The following CCNB1IP1 variants were observed in gnomAD, a reference collection of about 807,000 sequenced individuals.
CCNB1IP1 encodes the protein cyclin B1 interacting protein 1.
Under a neutral mutation model 25.6 loss-of-function variants are expected in CCNB1IP1, and 14 were observed. That is an observed-to-expected ratio of 0.55 (90% confidence interval 0.36 to 0.85). CCNB1IP1 has a LOEUF of 0.85. Among genes scored for constraint, CCNB1IP1 ranks in the 40% least tolerant of loss-of-function variants. CCNB1IP1 has a pLI of 0.01. For synonymous variants in CCNB1IP1, 119 were observed against 116.1 expected, an observed-to-expected ratio of 1.02 and a Z score of -0.16; for missense variants, 278 against 342.4, an observed-to-expected ratio of 0.81 and a Z score of 1.48.
In CCNB1IP1 at chr14:20,311,443, G is replaced by T; in HGVS notation, c.*107C>A. 2.3e-6 allele frequency: 2 copies of T among 888,478 alleles called. No homozygotes were observed. The highest frequency in any genetic ancestry group is 2.4e-5 in the East Asian group (1 of 41,334). 55.0% of individuals were successfully genotyped at this position (888,478 alleles called of 1,614,324 possible). ...TCTGTTGCCCAGGCTGGAGTGCAGT[G>T]GCATGATCTTAGATCACTAAAGCCT... On this transcript the variant is annotated 3_prime_UTR_variant, in exon 7 of 7. Transcript: ENST00000358932.
At position 20,311,652 on chromosome 14, in the gene CCNB1IP1, T is replaced by G. The variant is rs1472903138; in HGVS notation, c.732A>C (p.Thr244=). The change falls in exon 7 of 7, where the codon ACA becomes ACC. Residue 244 remains threonine (T), a synonymous_variant. Coordinates refer to ENST00000358932, the MANE Select transcript of CCNB1IP1 (RefSeq NM_021178.5). ...QFRPFFAGSP[T]APEPSNSFFS... is the part of the protein sequence containing the mutation. ...AAAAGCTGTTGCTGGGTTCAGGTGC[T>G]GTGGGAGAACCCGCAAAAAATGGTC... is the stretch of plus-strand genomic sequence containing the variant. The G allele has an allele frequency of 1.9e-6, 3 of 1,614,028 alleles. No homozygotes were observed. The highest frequency in any genetic ancestry group is 1.3e-5 in the African/African-American group (1 of 74,926).
chr14:20,313,912 T>G, intron 5 of CCNB1IP1, 111 bp from the exon 6 acceptor site: 7 of 782,652 alleles, frequency 8.9e-6, no homozygotes, highest in Non-Finnish European at 1.3e-5. Flanking sequence ...GGATGTTATT[T>G]TATCATTTAG....
chr14:20,320,498 A>G (rs1216500281), intron 4 of CCNB1IP1: 13 of 336,744 alleles, frequency 3.9e-5, no homozygotes, highest in Middle Eastern at 4.1e-4. Flanking sequence ...GGCTATAAAA[A>G]AACAAGGCAA....
rs1478921463 is a variant in CCNB1IP1, at chr14:20,311,533, G to GT, written c.*16dup. 1.8e-5 allele frequency: 29 copies of GT among 1,607,534 alleles called. No homozygotes were observed. The highest frequency in any genetic ancestry group is 2.4e-5 in the Non-Finnish European group (28 of 1,175,816). On this transcript the variant is annotated 3_prime_UTR_variant, in exon 7 of 7. Coordinates refer to ENST00000358932, the MANE Select transcript of CCNB1IP1 (RefSeq NM_021178.5). Reference sequence around the variant, plus strand: ...CCTAAGTAGCTGGGATCACAGGTGCGTGACACTATGCGTGGCTCAAATTCT... The same window carrying GT: ...CCTAAGTAGCTGGGATCACAGGTGCGTTGACACTATGCGTGGCTCAAATTCT...
rs557079142 is a variant in CCNB1IP1 at position 20,328,190 on chromosome 14, A to G, written c.-231+984T>C. 1.2e-4 allele frequency among the ~76,000 whole-genome samples: 19 copies of G among 152,306 alleles called. No homozygotes were observed. In the South Asian group the frequency reaches 2.1e-3, roughly 17 times the overall value. ...AAATTGAGGCTCAGAAAAATTACATAAATTTCCTAAGGTCACCTAACTAGT... is the reference window on the plus strand; with the variant it reads ...AAATTGAGGCTCAGAAAAATTACATGAATTTCCTAAGGTCACCTAACTAGT... On this transcript the variant is annotated intron_variant, in intron 2 of 6. Transcript: ENST00000358932.
At chr14:20,327,003 G>T (rs999580773) in intron 2 of CCNB1IP1, among the ~76,000 whole-genome samples, 1 of 151,988 alleles carries the variant, frequency 6.6e-6, no homozygotes, top group African/African-American at 2.4e-5. Flanking sequence ...GCAGGATCAG[G>T]AGTTCAAGGT....
intron 4 of CCNB1IP1, among the ~76,000 whole-genome samples, chr14:20,325,148 G>A (rs61995538): frequency 0.045 from 6,858 of 151,234 alleles, 221 homozygotes; most frequent in Middle Eastern, 0.1. Flanking sequence ...TTAGCCGGGC[G>A]CGGTGGCTCA....
At position 20,313,514 on chromosome 14, in the gene CCNB1IP1, A is replaced by C. The variant is rs1478972634; in HGVS notation, c.585T>G (p.Leu195=). 6 of 1,613,424 alleles carry C rather than the reference A, an allele frequency of 3.7e-6. No individual in the cohort carries two copies. In the East Asian group the frequency reaches 1.3e-4, roughly 36 times the overall value. Residue 195 remains leucine (L), a synonymous_variant, in exon 6 of 7, where the codon CTT becomes CTG. Coordinates refer to ENST00000358932, the MANE Select transcript of CCNB1IP1 (RefSeq NM_021178.5). ...CAGACTGTGCAATCATGGATGGTTC[A>C]AGGGTGCCTTCATGGTTAGCAATAG... The part of the protein sequence containing the change: ...NITIANHEGT[L]EPSMIAQSGV...
At chr14:20,317,017 G>C (rs1347086201) in intron 4 of CCNB1IP1, among the ~76,000 whole-genome samples, 1 of 152,200 alleles carries the variant, frequency 6.6e-6, no homozygotes, top group Non-Finnish European at 1.5e-5. Context: ...GCTGAGGCAG[G>C]AGAATCACTT....
Position 20,326,737 on chromosome 14 carries a change from G to T in CCNB1IP1, c.-174C>A. 3.4e-6 allele frequency: 1 copy of T among 293,868 alleles called. No individual in the cohort carries two copies. The allele number at this position is 293,868 out of a possible 1,614,324, so 18.2% of individuals were successfully genotyped here. The stretch of plus-strand genomic sequence containing the variant: ...TTACCTCTGGCATCACATGAATCCA[G>T]CTTCTATCTAGAAATCCAGTTGAAC... On this transcript the variant is annotated 5_prime_UTR_variant, in exon 3 of 7. The change creates a new upstream start codon in the 5' untranslated region. Coordinates refer to ENST00000358932, the MANE Select transcript of CCNB1IP1 (RefSeq NM_021178.5).
At position 20,313,548 on chromosome 14, in the gene CCNB1IP1, C is replaced by T. The variant is rs143558939; in HGVS notation, c.551G>A (p.Arg184Gln). ...TTCATGGTTAGCAATAGTGATGTTT[C>T]GTAGCCTAAGGCTATCATAGAGGCC... is the stretch of plus-strand genomic sequence containing the variant. ...LQGLYDSLRLRNITIANHEGT... is the reference protein window; with the variant it reads ...LQGLYDSLRLQNITIANHEGT... Residue 184 changes from arginine (R) to glutamine (Q), a missense_variant, in exon 6 of 7, where the codon CGA becomes CAA. Physicochemically the swap from Arg to Gln is conservative, Grantham distance 43 (BLOSUM62 1). Coordinates refer to ENST00000358932, the MANE Select transcript of CCNB1IP1 (RefSeq NM_021178.5). 6.8e-6 allele frequency: 11 copies of T among 1,614,050 alleles called. No homozygotes were observed. The highest frequency in any genetic ancestry group is 4.0e-5 in the African/African-American group (3 of 74,930).
At chr14:20,316,100 AATTT>A in intron 5 of CCNB1IP1, 123 bp downstream of exon 5, 1 of 839,822 alleles carries the variant, frequency 1.2e-6, no homozygotes, top group Non-Finnish European at 1.8e-6. Context: ...TTTTGAAAAC[AATTT>A]AATAAAAAGA....
chr14:20,311,538 A>G lies in CCNB1IP1; in HGVS notation c.*12T>C, dbSNP rs1222397682. ...GTAGCTGGGATCACAGGTGCGTGACACTATGCGTGGCTCAAATTCTTTTTA... is the reference window on the plus strand; with the variant it reads ...GTAGCTGGGATCACAGGTGCGTGACGCTATGCGTGGCTCAAATTCTTTTTA... On this transcript the variant is annotated 3_prime_UTR_variant, in exon 7 of 7. Coordinates refer to ENST00000358932, the MANE Select transcript of CCNB1IP1 (RefSeq NM_021178.5). 6.2e-7 allele frequency: 1 copy of G among 1,610,208 alleles called. No individual in the cohort carries two copies. The highest frequency in any genetic ancestry group is 2.2e-5 in the East Asian group (1 of 44,844).
chr14:20,311,422 T>C lies in CCNB1IP1; in HGVS notation c.*128A>G. On this transcript the variant is annotated 3_prime_UTR_variant, in exon 7 of 7. Coordinates refer to ENST00000358932, the MANE Select transcript of CCNB1IP1 (RefSeq NM_021178.5). ...TTTTTAGAAACAGGGTCTCACTCTG[T>C]TGCCCAGGCTGGAGTGCAGTGGCAT... 1 of 715,930 alleles carries C rather than the reference T, an allele frequency of 1.4e-6. No individual in the cohort carries two copies. The highest frequency in any genetic ancestry group is 2.5e-5 in the East Asian group (1 of 40,414). The allele number at this position is 715,930 out of a possible 1,614,324, so 44.3% of individuals were successfully genotyped here. A position where few individuals can be genotyped will look rare whatever the true frequency, so the allele number is the denominator to read the frequency against.
intron 4 of CCNB1IP1, among the ~76,000 whole-genome samples, chr14:20,325,289 C>T (rs1440958613): frequency 2.0e-5 from 3 of 150,974 alleles, no homozygotes; most frequent in Non-Finnish European, 4.5e-5. Flanking sequence ...GGCGTAGTGG[C>T]GGGCAACTGT....
intron 4 of CCNB1IP1, among the ~76,000 whole-genome samples, chr14:20,322,680 T>A (rs944266682): frequency 1.3e-5 from 2 of 150,912 alleles, no homozygotes; most frequent in African/African-American, 4.9e-5. Context: ...TGGAGTGCAG[T>A]GGCACAATCG....
intron 5 of CCNB1IP1, chr14:20,315,988 G>T (rs1882681312): frequency 2.0e-6 from 1 of 501,806 alleles, no homozygotes; most frequent in Non-Finnish European, 3.5e-6. Context: ...GTGAGTGTGT[G>T]TGTGTGTATA....
intron 4 of CCNB1IP1, among the ~76,000 whole-genome samples, chr14:20,324,610 G>A (rs150698323): frequency 2.0e-4 from 31 of 152,230 alleles, no homozygotes; most frequent in South Asian, 2.1e-4. Flanking sequence ...AGCATTTACC[G>A]TATGCTTTAC....
chr14:20,316,664 TTTA>T, intron 4 of CCNB1IP1, 104 bp from the exon 5 acceptor site: 3 of 605,882 alleles, frequency 5.0e-6, no homozygotes, highest in East Asian at 2.8e-5. Context: ...TACTGCACAT[TTTA>T]TTATATTCCT....
Sources: allele counts gnomAD v4.1 joint callset (sites outside exome capture counted in the v4.1 genomes callset), GRCh38; gene constraint gnomAD v4.1.1; transcripts MANE v1.5; gene names NCBI Gene and HGNC (gene_info 2026-07-23, HGNC 2026-07-21).